Variants in LIG1 observed in about 807,000 individuals in gnomAD.
LIG1 encodes the protein ligase I, DNA, ATP-dependent.
Under a neutral mutation model 115.7 loss-of-function variants are expected in LIG1, and 70 were observed. The ratio of observed to expected loss-of-function variants is 0.60; its 90% CI spans 0.50 to 0.74. LIG1 has a LOEUF of 0.74. Among genes scored for constraint, LIG1 ranks in the 30% least tolerant of loss-of-function variants. The pLI is 0.00. For synonymous variants in LIG1, 487 were observed against 495.3 expected, an observed-to-expected ratio of 0.98 and a Z score of 0.22; for missense variants, 1,115 against 1,225.6, an observed-to-expected ratio of 0.91 and a Z score of 1.35.
chr19:48,116,259 C>G (rs1164045664), intron 26 of LIG1: 3 of 352,412 alleles, frequency 8.5e-6, no homozygotes, highest in African/African-American at 6.3e-5. Context: ...CTGGCTAACA[C>G]GGTGAAACCC....
At chr19:48,119,039 C>T in intron 25 of LIG1, 98 bp downstream of exon 25, 1 of 1,008,720 alleles carries the variant, frequency 9.9e-7, no homozygotes, top group Non-Finnish European at 1.5e-6. Flanking sequence ...ACCTGGAGCC[C>T]CAAGATGGTG....
intron 7 of LIG1, 48 bp from the exon 8 acceptor site, chr19:48,150,258 A>G: frequency 6.2e-7 from 1 of 1,609,884 alleles, no homozygotes. Context: ...TGACCCTGAG[A>G]CTTTTTTTTT....
rs1162053128 is a variant in LIG1 at position 48,133,035 on chromosome 19, A to G, written c.1672T>C (p.Phe558Leu). ...TRGISEVLKR[F>L]EEAAFTCEYK... Reference sequence around the variant, plus strand: ...TCGCAGGTGAAAGCTGCCTCCTCAAAGCGTTTCAGGACCTCGCTGATGCCC... The same window carrying G: ...TCGCAGGTGAAAGCTGCCTCCTCAAGGCGTTTCAGGACCTCGCTGATGCCC... Residue 558 changes from phenylalanine (F) to leucine (L), a missense_variant, in exon 18 of 28, where the codon TTT becomes CTT. Transcript: ENST00000263274. The G allele has an allele frequency of 1.4e-5, 22 of 1,613,996 alleles. No individual in the cohort carries two copies. Among genetic ancestry groups the G allele is most frequent in the Non-Finnish European group, 1.9e-5 (22 of 1,180,036 alleles).
At position 48,122,883 on chromosome 19, in the gene LIG1, C is replaced by T; in HGVS notation, c.2232+51G>A. On this transcript the variant is annotated intron_variant, in intron 23 of 27. Transcript: ENST00000263274. The surrounding 1 kb of genome is among the most constrained non-coding windows in gnomAD (Gnocchi z 4.3). ...CTCGAAATCCACTGCCTAGCTGGGA[C>T]AGACCTCCAGACCCGGGGTGGAGAA... is the stretch of plus-strand genomic sequence containing the variant. 6.5e-7 allele frequency: 1 copy of T among 1,540,058 alleles called. No homozygotes were observed. Among genetic ancestry groups the T allele is most frequent in the Non-Finnish European group, 9.0e-7 (1 of 1,112,722 alleles).
In LIG1 at chr19:48,168,146, G is replaced by C. The variant is rs12611390; in HGVS notation, c.-58+2095C>G. On this transcript the variant is annotated intron_variant, in intron 1 of 27. Coordinates refer to ENST00000263274, the MANE Select transcript of LIG1 (RefSeq NM_000234.3). ...TGCATCTATAGTACGTTCCACCCCA[G>C]GTCGGCCTGCTCCACAGCTCACCTC... 2.9e-3 allele frequency among the ~76,000 whole-genome samples: 436 copies of C among 152,152 alleles called. 5 individuals carry two copies. Among genetic ancestry groups the C allele is most frequent in the African/African-American group, 8.6e-3 (356 of 41,524 alleles).
chr19:48,126,820 G>A (rs1253786666), intron 21 of LIG1, among the ~76,000 whole-genome samples: 1 of 150,592 alleles, frequency 6.6e-6, no homozygotes. Flanking sequence ...CTGGGCTCAA[G>A]CGATCCTCCC....
chr19:48,127,208 G>T, intron 21 of LIG1, 69 bp downstream of exon 21: 1 of 1,262,772 alleles, frequency 7.9e-7, no homozygotes. Flanking sequence ...AAGTCAGAGG[G>T]GCAGCTGCCA....
At chr19:48,164,114 A>G (rs1420190101) in intron 2 of LIG1, among the ~76,000 whole-genome samples, 2 of 152,174 alleles carry the variant, frequency 1.3e-5, no homozygotes, top group Non-Finnish European at 2.9e-5. Context: ...GAAACTGGCC[A>G]AGGGTATACA....
At position 48,125,947 on chromosome 19, in the gene LIG1, C is replaced by T. The variant is rs561370143; in HGVS notation, c.2004+1330G>A. On this transcript the variant is annotated intron_variant, in intron 21 of 27. Transcript: ENST00000263274. ...AGGTTGCAGTGAGCTGAGATCATGC[C>T]ACTGCACTCCAGCCTGGGCAACAGA... Among the ~76,000 whole-genome samples the T allele has an allele frequency of 1.0e-4, 15 of 148,408 alleles. No homozygotes were observed. The South Asian group carries it at 3.2e-3, about 32-fold the overall frequency.
chr19:48,136,908 T>C, intron 14 of LIG1, 100 bp downstream of exon 14: 4 of 945,398 alleles, frequency 4.2e-6, no homozygotes, highest in Non-Finnish European at 6.7e-6. Flanking sequence ...CATCCAAGGA[T>C]GGTCAGGGCA....
At chr19:48,138,050 G>A (rs1305357872) in intron 12 of LIG1, among the ~76,000 whole-genome samples, 1 of 152,162 alleles carries the variant, frequency 6.6e-6, no homozygotes, top group Non-Finnish European at 1.5e-5. Flanking sequence ...GAAGGCCAAG[G>A]GACCCTTTCC....
chr19:48,129,571 C>T (rs117282959), intron 19 of LIG1, among the ~76,000 whole-genome samples: 118 of 152,184 alleles, frequency 7.8e-4, no homozygotes, highest in Middle Eastern at 6.8e-3. Context: ...ACTTGCTGAA[C>T]GAATGAGCAA....
chr19:48,123,324 G>A lies in LIG1; in HGVS notation c.2005-6C>T. 1 of 1,612,724 alleles carries A rather than the reference G, an allele frequency of 6.2e-7. No homozygotes were observed. Among genetic ancestry groups the A allele is most frequent in the Non-Finnish European group, 8.5e-7 (1 of 1,180,008 alleles). On this transcript the variant is annotated splice_region_variant and splice_polypyrimidine_tract_variant and intron_variant, in intron 21 of 27. Transcript: ENST00000263274. The stretch of plus-strand genomic sequence containing the variant: ...AGGGGCTCACGTACCAGGGACTGCA[G>A]GGCCGGCAGGGAGAAGAGAGATGAG...
At chr19:48,126,509 G>A (rs911551422) in intron 21 of LIG1, among the ~76,000 whole-genome samples, 1 of 151,880 alleles carries the variant, frequency 6.6e-6, no homozygotes, top group Non-Finnish European at 1.5e-5. Flanking sequence ...GGGAGGCTGA[G>A]GCAGGAGAAT....
chr19:48,135,089 C>T (rs1453895175), intron 16 of LIG1, among the ~76,000 whole-genome samples: 1 of 152,240 alleles, frequency 6.6e-6, no homozygotes, highest in Non-Finnish European at 1.5e-5. Context: ...TCTGCATGCA[C>T]AGCCCTGTCT....
In LIG1 at chr19:48,121,187, GCTC is replaced by G. The variant is rs1568478490; in HGVS notation, c.2365_2367del (p.Glu789del). ...CCCAGGACCTTGCATATGGCCTGCA[GCTC>G]CTCACTGTCCTCGTCGTAGGAGGCC... On this transcript the variant is annotated inframe_deletion, in exon 24 of 28. Coordinates refer to ENST00000263274, the MANE Select transcript of LIG1 (RefSeq NM_000234.3). 1.2e-6 allele frequency: 2 copies of G among 1,614,086 alleles called. No individual in the cohort carries two copies. The highest frequency in any genetic ancestry group is 1.7e-6 in the Non-Finnish European group (2 of 1,180,018).
intron 24 of LIG1, among the ~76,000 whole-genome samples, chr19:48,119,784 C>T (rs2033141736): frequency 6.6e-6 from 1 of 152,074 alleles, no homozygotes; most frequent in African/African-American, 2.4e-5. Flanking sequence ...CTCAAGTGAT[C>T]CTCCCACCTC....
intron 12 of LIG1, among the ~76,000 whole-genome samples, chr19:48,139,285 A>C (rs1309826349): frequency 2.0e-5 from 3 of 152,196 alleles, no homozygotes; most frequent in Admixed American, 6.5e-5. Context: ...CAGGGTCCCA[A>C]GCTGCCGACG....
At position 48,132,895 on chromosome 19, in the gene LIG1, G is replaced by A. The variant is rs147738319; in HGVS notation, c.1725+87C>T. 1.8e-3 allele frequency: 1,769 copies of A among 965,104 alleles called. 9 individuals carry two copies. Among genetic ancestry groups the A allele is most frequent in the African/African-American group, 0.015 (952 of 62,100 alleles). The allele number at this position is 965,104 out of a possible 1,614,324, so 59.8% of individuals were successfully genotyped here. ...GGCTCGGCAGTCTGTGGCGCAGGCCGGCTTGAAGCTCAGGCCTCAGTGACC... is the reference window on the plus strand; with the variant it reads ...GGCTCGGCAGTCTGTGGCGCAGGCCAGCTTGAAGCTCAGGCCTCAGTGACC... On this transcript the variant is annotated intron_variant, in intron 18 of 27. Transcript: ENST00000263274.
Sources: gnomAD v4.1 joint callset for allele counts (sites outside exome capture counted in the v4.1 genomes callset) on GRCh38, gnomAD v4.1.1 for gene constraint, Gnocchi (gnomAD v3.1) non-coding constraint, MANE v1.5 for transcripts, NCBI Gene and HGNC (gene_info 2026-07-23, HGNC 2026-07-21) for gene names.